CCR1: variants seen among roughly 807,000 people sequenced by gnomAD.
CCR1 encodes C-C chemokine receptor type 1.
In CCR1, 1 loss-of-function variant was observed where a neutral mutation model predicts 0.3. The observed-to-expected ratio is 3.70, with a 90% CI of 1.31 to 17.54. The LOEUF is 17.54. Ranked by LOEUF, CCR1 falls within the 30% of genes most tolerant of loss-of-function variation. CCR1 has a pLI of 0.11. For missense variants in CCR1, 349 were observed against 435.4 expected, an observed-to-expected ratio of 0.80 and a Z score of 1.77; for synonymous variants, 207 against 182.5, an observed-to-expected ratio of 1.13 and a Z score of -1.08.
Position 46,202,613 on chromosome 3 carries a change from G to A in CCR1, c.*633C>T, listed in dbSNP as rs200630566. On this transcript the variant is annotated 3_prime_UTR_variant, in exon 2 of 2. Transcript: ENST00000296140. ...AGTTCCCCATTTCTATTTCTCGTTAGGTCTCAACTCTTCCGTCATGAGTTC... is the reference window on the plus strand; with the variant it reads ...AGTTCCCCATTTCTATTTCTCGTTAAGTCTCAACTCTTCCGTCATGAGTTC... 6.6e-6 allele frequency: 1 copy of A among 152,094 alleles called. No homozygotes were observed. Among genetic ancestry groups the A allele is most frequent in the Non-Finnish European group, 1.5e-5 (1 of 68,054 alleles). The allele number at this position is 152,094 out of a possible 1,614,324, so 9.4% of individuals were successfully genotyped here.
chr3:46,204,032 C>T lies in CCR1; in HGVS notation c.282G>A (p.Lys94=). The T allele has an allele frequency of 6.2e-7, 1 of 1,614,208 alleles. No homozygotes were observed. The highest frequency in any genetic ancestry group is 8.5e-7 in the Non-Finnish European group (1 of 1,180,030). The part of the protein sequence containing the change: ...LFTLPFWIDY[K]LKDDWVFGDA... Reference sequence around the variant, plus strand: ...CACCAAAAACCCAGTCATCCTTCAACTTGTAGTCGATCCAGAAGGGAAGCG... The same window carrying T: ...CACCAAAAACCCAGTCATCCTTCAATTTGTAGTCGATCCAGAAGGGAAGCG... The change falls in exon 2 of 2, where the codon AAG becomes AAA. Residue 94 remains lysine, a synonymous_variant. Transcript: ENST00000296140.
rs200544575 is a variant in CCR1, at chr3:46,203,773, G to A, written c.541C>T (p.His181Tyr). The change falls in exon 2 of 2, where the codon CAC becomes TAC. Residue 181 changes from histidine (H) to tyrosine (Y), a missense_variant. Transcript: ENST00000296140. This position sits in a 1 kb window ranked among gnomAD's most constrained non-coding sequence, Gnocchi z 4.5. ...TGAGGAAAGTGAAGGCTGCAGGTGT[G>A]GTGAGTGAATTCCCATTGGGTCTTG... ...FSKTQWEFTH[H>Y]TCSLHFPHES... The A allele has an allele frequency of 1.9e-6, 3 of 1,614,172 alleles. No individual in the cohort carries two copies. In the South Asian group the frequency reaches 3.3e-5, roughly 18 times the overall value.
In CCR1 at chr3:46,203,939, G is replaced by T. The variant is rs1221967943; in HGVS notation, c.375C>A (p.Ile125=). 8.7e-6 allele frequency: 14 copies of T among 1,614,042 alleles called. No homozygotes were observed. The highest frequency in any genetic ancestry group is 2.2e-5 in the East Asian group (1 of 44,892). Residue 125 remains isoleucine (I), a synonymous_variant, in exon 2 of 2, where the codon ATC becomes ATA. Transcript: ENST00000296140. The surrounding 1 kb of genome is among the most constrained non-coding windows in gnomAD (Gnocchi z 4.5). The part of the protein sequence containing the change: ...TGLYSEIFFI[I]LLTIDRYLAI... The stretch of plus-strand genomic sequence containing the variant: ...CCAGGTACCTGTCAATCGTCAGCAG[G>T]ATGATGAAAAAGATCTCGCTGTACA...
At chr3:46,207,423 G>T (rs1163198517) in intron 1 of CCR1, among the ~76,000 whole-genome samples, 2 of 151,990 alleles carry the variant, frequency 1.3e-5, no homozygotes, top group African/African-American at 4.8e-5. Flanking sequence ...TGCCCCCCAA[G>T]ATCACCTGGC....
chr3:46,205,430 T>C (rs1346759401), intron 1 of CCR1, among the ~76,000 whole-genome samples: 2 of 152,184 alleles, frequency 1.3e-5, no homozygotes, highest in Non-Finnish European at 2.9e-5. Context: ...ACTAGCTGAA[T>C]TCTGCTGAGA....
Position 46,204,338 on chromosome 3 carries a change from A to T in CCR1, c.-11-14T>A, listed in dbSNP as rs1699628711. On this transcript the variant is annotated splice_polypyrimidine_tract_variant and intron_variant, in intron 1 of 1. Coordinates refer to ENST00000296140, the MANE Select transcript of CCR1 (RefSeq NM_001295.3). ...TCCCGGCTTCTCCTACAGGTTAAAA[A>T]AAAAAAAAAGATTTGTCTTTACTCT... 1 of 1,481,188 alleles carries T rather than the reference A, an allele frequency of 6.8e-7. No homozygotes were observed. The allele number at this position is 1,481,188 out of a possible 1,614,324, so 91.8% of individuals were successfully genotyped here. A position where few individuals can be genotyped will look rare whatever the true frequency, so the allele number is the denominator to read the frequency against.
chr3:46,207,461 G>A (rs538778630), intron 1 of CCR1, among the ~76,000 whole-genome samples: 1 of 152,218 alleles, frequency 6.6e-6, no homozygotes, highest in South Asian at 2.1e-4. Flanking sequence ...GTGAGTGAAA[G>A]CCTACCTCTT....
chr3:46,207,915 C>T (rs2125921206), intron 1 of CCR1, among the ~76,000 whole-genome samples: 1 of 152,290 alleles, frequency 6.6e-6, no homozygotes, highest in East Asian at 1.9e-4. Flanking sequence ...GCTGGGATTA[C>T]AGCCGTGAGC....
Position 46,203,231 on chromosome 3 carries a change from C to T in CCR1, c.*15G>A. 6.3e-7 allele frequency: 1 copy of T among 1,587,882 alleles called. No individual in the cohort carries two copies. The highest frequency in any genetic ancestry group is 1.1e-5 in the South Asian group (1 of 89,084). ...TCACGCCTGCTTATTTTGGGTTGGC[C>T]TCCTATGGTCTGAGTCAGAACCCAG... On this transcript the variant is annotated 3_prime_UTR_variant, in exon 2 of 2. Transcript: ENST00000296140. This position sits in a 1 kb window ranked among gnomAD's most constrained non-coding sequence, Gnocchi z 4.5.
At position 46,202,631 on chromosome 3, in the gene CCR1, A is replaced by G. The variant is rs556747654; in HGVS notation, c.*615T>C. 1.3e-5 allele frequency: 2 copies of G among 152,220 alleles called. No homozygotes were observed. Among genetic ancestry groups the G allele is most frequent in the African/African-American group, 2.4e-5 (1 of 41,524 alleles). 9.4% of individuals were successfully genotyped at this position (152,220 alleles called of 1,614,324 possible). On this transcript the variant is annotated 3_prime_UTR_variant, in exon 2 of 2. Coordinates refer to ENST00000296140, the MANE Select transcript of CCR1 (RefSeq NM_001295.3). ...CTCGTTAGGTCTCAACTCTTCCGTC[A>G]TGAGTTCTATGTTCCCCAGGATTCC...
chr3:46,201,741 G>T lies in CCR1; in HGVS notation c.*1505C>A, dbSNP rs200365860. On this transcript the variant is annotated 3_prime_UTR_variant, in exon 2 of 2. Coordinates refer to ENST00000296140, the MANE Select transcript of CCR1 (RefSeq NM_001295.3). ...TGAAATGATTTATTCACCTGGGAAA[G>T]TGATCACAACTTGCTGCTAATTAAA... is the stretch of plus-strand genomic sequence containing the variant. The T allele has an allele frequency of 2.6e-5, 4 of 152,218 alleles. No individual in the cohort carries two copies. The highest frequency in any genetic ancestry group is 4.4e-5 in the Non-Finnish European group (3 of 68,044). 9.4% of individuals were successfully genotyped at this position (152,218 alleles called of 1,614,324 possible).
In CCR1 at chr3:46,204,010, C is replaced by T. The variant is rs1415119668; in HGVS notation, c.304G>A (p.Gly102Ser). 1.9e-6 allele frequency: 3 copies of T among 1,614,048 alleles called. No homozygotes were observed. The African/African-American group carries it at 4.0e-5, about 22-fold the overall frequency. Residue 102 changes from glycine (G) to serine (S), a missense_variant, in exon 2 of 2, where the codon GGT becomes AGT. Physicochemically the swap from Gly to Ser is moderately conservative, Grantham distance 56. Coordinates refer to ENST00000296140, the MANE Select transcript of CCR1 (RefSeq NM_001295.3). ...DYKLKDDWVF[G>S]DAMCKILSGF... ...GAGAGGATCTTACACATGGCATCAC[C>T]AAAAACCCAGTCATCCTTCAACTTG...
intron 1 of CCR1, among the ~76,000 whole-genome samples, chr3:46,207,414 GC>G (rs1303826829): frequency 6.6e-6 from 1 of 151,842 alleles, no homozygotes; most frequent in Non-Finnish European, 1.5e-5. Context: ...CAGAACAGAT[GC>G]CCCCCAAGAT....
intron 1 of CCR1, among the ~76,000 whole-genome samples, chr3:46,207,937 G>T (rs941320066): frequency 2.0e-5 from 3 of 152,034 alleles, no homozygotes; most frequent in African/African-American, 7.2e-5. Flanking sequence ...ACTGCGCCCC[G>T]CCAAGTAATT....
rs1315146233 is a variant in CCR1 at position 46,202,069 on chromosome 3, AT to A, written c.*1176del. Reference sequence around the variant, plus strand: ...TGGTTGGAGATGATGCATCCAGAACATTTTGGATAAATAAGCTACTTTGAGT... The same window carrying A: ...TGGTTGGAGATGATGCATCCAGAACATTTGGATAAATAAGCTACTTTGAGT... On this transcript the variant is annotated 3_prime_UTR_variant, in exon 2 of 2. Transcript: ENST00000296140. 6.6e-6 allele frequency: 1 copy of A among 152,216 alleles called. No individual in the cohort carries two copies. The highest frequency in any genetic ancestry group is 2.4e-5 in the African/African-American group (1 of 41,448). 9.4% of individuals were successfully genotyped at this position (152,216 alleles called of 1,614,324 possible). A position where few individuals can be genotyped will look rare whatever the true frequency, so the allele number is the denominator to read the frequency against.
intron 1 of CCR1, among the ~76,000 whole-genome samples, chr3:46,205,641 G>T (rs969342835): frequency 6.6e-6 from 1 of 152,074 alleles, no homozygotes; most frequent in South Asian, 2.1e-4. Context: ...TTGTGACTTT[G>T]GATAAATTAT....
chr3:46,203,549 G>A lies in CCR1; in HGVS notation c.765C>T (p.Tyr255=), dbSNP rs994863824. Residue 255 remains tyrosine, a synonymous_variant, in exon 2 of 2, where the codon TAC becomes TAT. Coordinates refer to ENST00000296140, the MANE Select transcript of CCR1 (RefSeq NM_001295.3). This position sits in a 1 kb window ranked among gnomAD's most constrained non-coding sequence, Gnocchi z 4.5. ...AAACAGAAATAAGTATAGTCAAATT[G>A]TAGGGGGTCCAAAAGAGAAAAAAGA... The part of the protein sequence containing the change: ...MIIFFLFWTP[Y]NLTILISVFQ... 2.5e-6 allele frequency: 4 copies of A among 1,614,102 alleles called. No individual in the cohort carries two copies. The highest frequency in any genetic ancestry group is 3.4e-6 in the Non-Finnish European group (4 of 1,179,998).
In CCR1 at chr3:46,204,324, C is replaced by T. The variant is rs1438272802; in HGVS notation, c.-11G>A. On this transcript the variant is annotated splice_region_variant and 5_prime_UTR_variant, in exon 2 of 2. Transcript: ENST00000296140. ...GTTTGGAGTTTCCATCCCGGCTTCT[C>T]CTACAGGTTAAAAAAAAAAAAAAGA... The T allele has an allele frequency of 1.3e-6, 2 of 1,520,226 alleles. No homozygotes were observed. The highest frequency in any genetic ancestry group is 8.8e-7 in the Non-Finnish European group (1 of 1,136,482). The allele number at this position is 1,520,226 out of a possible 1,614,324, so 94.2% of individuals were successfully genotyped here. A position where few individuals can be genotyped will look rare whatever the true frequency, so the allele number is the denominator to read the frequency against.
In CCR1 at chr3:46,202,386, C is replaced by G. The variant is rs1699604393; in HGVS notation, c.*860G>C. On this transcript the variant is annotated 3_prime_UTR_variant, in exon 2 of 2. Coordinates refer to ENST00000296140, the MANE Select transcript of CCR1 (RefSeq NM_001295.3). ...CATTAGAATCTACCAACATATCACC[C>G]AACTTGAAAAGAAGAGAGATTCTGA... 1 of 152,040 alleles carries G rather than the reference C, an allele frequency of 6.6e-6. No individual in the cohort carries two copies. The highest frequency in any genetic ancestry group is 6.6e-5 in the Admixed American group (1 of 15,262). The allele number at this position is 152,040 out of a possible 1,614,324, so 9.4% of individuals were successfully genotyped here. A position where few individuals can be genotyped will look rare whatever the true frequency, so the allele number is the denominator to read the frequency against.
Sources: allele counts gnomAD v4.1 joint callset (sites outside exome capture counted in the v4.1 genomes callset), GRCh38; gene constraint gnomAD v4.1.1; non-coding constraint Gnocchi (gnomAD v3.1); transcripts MANE v1.5; gene names NCBI Gene and HGNC (gene_info 2026-07-23, HGNC 2026-07-21).